ADAMTS2: variants seen among roughly 807,000 people sequenced by gnomAD.
ADAMTS2 encodes A disintegrin and metalloproteinase with thrombospondin motifs 2.
ADAMTS2 carries 50 observed loss-of-function variants against 123.0 expected under a neutral mutation model. That is an observed-to-expected ratio of 0.41 (90% CI 0.32 to 0.51). The LOEUF (loss-of-function observed/expected upper bound fraction) is 0.51, where lower values mean the gene tolerates loss of function less well. Among genes scored for constraint, ADAMTS2 ranks in the 20% least tolerant of loss-of-function variants. ADAMTS2 has a pLI of 0.35. For synonymous variants in ADAMTS2, 678 were observed against 695.4 expected (o/e 0.98, Z 0.39); for missense variants, 1,494 against 1,705.2 (o/e 0.88, Z 2.18).
intron 2 of ADAMTS2, among the ~76,000 whole-genome samples, chr5:179,311,476 C>A (rs962323122): frequency 6.6e-6 from 1 of 152,250 alleles, no homozygotes; most frequent in Non-Finnish European, 1.5e-5. Context: ...TGGACACTGA[C>A]AGGGACTCTC....
chr5:179,197,927 A>T lies in ADAMTS2; in HGVS notation c.891+9586T>A, dbSNP rs1764465826. On this transcript the variant is annotated intron_variant, in intron 4 of 21. Transcript: ENST00000251582. The surrounding 1 kb of genome is among the most constrained non-coding windows in gnomAD (Gnocchi z 4.2). Reference sequence around the variant, plus strand: ...TCTTTAGGGGTGCCCAGGCCCACACACATGGCCACAGCATCTGGTTTGTGA... The same window carrying T: ...TCTTTAGGGGTGCCCAGGCCCACACTCATGGCCACAGCATCTGGTTTGTGA... Among the ~76,000 whole-genome samples, 1 of 152,204 alleles carries T rather than the reference A, an allele frequency of 6.6e-6. No individual in the cohort carries two copies. The highest frequency in any genetic ancestry group is 2.4e-5 in the African/African-American group (1 of 41,452).
At chr5:179,343,414 C>T (rs903396743) in intron 2 of ADAMTS2, among the ~76,000 whole-genome samples, 23 of 152,240 alleles carry the variant, frequency 1.5e-4, no homozygotes, top group Non-Finnish European at 2.8e-4. Context: ...CAACGTTCCA[C>T]AACACATGTG....
intron 10 of ADAMTS2, among the ~76,000 whole-genome samples, chr5:179,141,827 C>A (rs919764757): frequency 6.6e-6 from 1 of 152,176 alleles, no homozygotes; most frequent in African/African-American, 2.4e-5. Context: ...GGGCCCCCTT[C>A]CCCCACCCAG....
chr5:179,267,277 C>T (rs946612697), intron 3 of ADAMTS2, among the ~76,000 whole-genome samples: 10 of 152,246 alleles, frequency 6.6e-5, no homozygotes, highest in African/African-American at 2.4e-4. Context: ...CAGCCACGCT[C>T]AGCCACATGG....
At chr5:179,258,571 G>A (rs900898984) in intron 3 of ADAMTS2, among the ~76,000 whole-genome samples, 2 of 152,132 alleles carry the variant, frequency 1.3e-5, no homozygotes, top group South Asian at 2.1e-4. Context: ...CCCTGCAGTC[G>A]TCCAAAAAAG....
chr5:179,209,594 GCA>G (rs1484589416), intron 3 of ADAMTS2, among the ~76,000 whole-genome samples: 1 of 144,694 alleles, frequency 6.9e-6, no homozygotes, highest in Admixed American at 6.8e-5. Flanking sequence ...ACACACACAG[GCA>G]CACACACATG....
intron 5 of ADAMTS2, among the ~76,000 whole-genome samples, chr5:179,164,749 G>A (rs1329307250): frequency 6.6e-6 from 1 of 152,186 alleles, no homozygotes; most frequent in East Asian, 1.9e-4. Flanking sequence ...TTAGGCCCAT[G>A]GAGCACAGGT....
At chr5:179,240,910 C>T (rs1376290010) in intron 3 of ADAMTS2, among the ~76,000 whole-genome samples, 1 of 152,220 alleles carries the variant, frequency 6.6e-6, no homozygotes, top group African/African-American at 2.4e-5. Flanking sequence ...GTTCAACTCT[C>T]CTGGCAGAAC....
rs1757582383 is a variant in ADAMTS2, at chr5:179,335,207, T to C, written c.534+8560A>G. 1.3e-5 allele frequency among the ~76,000 whole-genome samples: 2 copies of C among 151,522 alleles called. 1 individual carries two copies. Among genetic ancestry groups the C allele is most frequent in the African/African-American group, 4.9e-5 (2 of 41,122 alleles). ...AGAACTCGAGCTTTATATGTAGCCA[T>C]GTTTTTAAAAAAAAAAGACACAGGT... On this transcript the variant is annotated intron_variant, in intron 2 of 21. Coordinates refer to ENST00000251582, the MANE Select transcript of ADAMTS2 (RefSeq NM_014244.5).
intron 2 of ADAMTS2, among the ~76,000 whole-genome samples, chr5:179,316,082 T>G (rs1756981268): frequency 6.6e-6 from 1 of 151,816 alleles, no homozygotes; most frequent in South Asian, 2.1e-4. Context: ...AAAGAGAAAG[T>G]TCAAAAGCTC....
intron 11 of ADAMTS2, among the ~76,000 whole-genome samples, chr5:179,139,373 A>G (rs1391845364): frequency 3.9e-5 from 6 of 152,066 alleles, no homozygotes; most frequent in African/African-American, 1.4e-4. Flanking sequence ...GGAGGACAGC[A>G]CAGGGCATGG....
At chr5:179,198,608 T>C (rs976800600) in intron 4 of ADAMTS2, among the ~76,000 whole-genome samples, 1 of 151,524 alleles carries the variant, frequency 6.6e-6, no homozygotes, top group South Asian at 2.1e-4. Context: ...CTGAGGCGGG[T>C]GGATCACCTG....
chr5:179,137,385 C>T (rs981837900), intron 12 of ADAMTS2, among the ~76,000 whole-genome samples: 2 of 152,270 alleles, frequency 1.3e-5, no homozygotes, highest in African/African-American at 2.4e-5. Context: ...AGAGTCCCGA[C>T]TAATAGAGAA....
chr5:179,211,989 G>A (rs1055146089), intron 3 of ADAMTS2, among the ~76,000 whole-genome samples: 2 of 152,272 alleles, frequency 1.3e-5, no homozygotes, highest in African/African-American at 4.8e-5. Flanking sequence ...CACCACCAGA[G>A]AGGAGGAGTG....
At chr5:179,291,409 C>T (rs1756185697) in intron 2 of ADAMTS2, among the ~76,000 whole-genome samples, 1 of 152,198 alleles carries the variant, frequency 6.6e-6, no homozygotes, top group Non-Finnish European at 1.5e-5. Flanking sequence ...TGGCTGCATC[C>T]ACCTGCTTGG....
At chr5:179,193,707 A>G (rs922247506) in intron 4 of ADAMTS2, among the ~76,000 whole-genome samples, 3 of 152,230 alleles carry the variant, frequency 2.0e-5, no homozygotes, top group Admixed American at 1.3e-4. Context: ...AGCACCTACT[A>G]CGTGCCAGGC....
intron 19 of ADAMTS2, 44 bp downstream of exon 19, chr5:179,124,929 C>T (rs367788278): frequency 1.9e-5 from 29 of 1,554,330 alleles, no homozygotes; most frequent in Admixed American, 5.8e-5. Flanking sequence ...GCCTGTCCAC[C>T]CTCAGTTTTG....
At chr5:179,211,785 C>T (rs111383617) in intron 3 of ADAMTS2, among the ~76,000 whole-genome samples, 16,278 of 152,168 alleles carry the variant, frequency 0.11, 956 homozygotes, top group South Asian at 0.19. Context: ...GCTGCAACTG[C>T]CAGCATCCTA....
intron 11 of ADAMTS2, among the ~76,000 whole-genome samples, chr5:179,139,390 C>T (rs1027006588): frequency 1.3e-5 from 2 of 151,974 alleles, no homozygotes; most frequent in East Asian, 3.9e-4. Context: ...ATGGGGCCTG[C>T]GTGGCGGGTG....
Sources: allele counts gnomAD v4.1 joint callset (sites outside exome capture counted in the v4.1 genomes callset), GRCh38; gene constraint gnomAD v4.1.1; non-coding constraint Gnocchi (gnomAD v3.1); transcripts MANE v1.5; gene names NCBI Gene and HGNC (gene_info 2026-07-23, HGNC 2026-07-21).